DLGAP1: variants seen among roughly 807,000 people sequenced by gnomAD.
DLGAP1 encodes DLG associated protein 1.
In DLGAP1, 11 loss-of-function variants were observed where a neutral mutation model predicts 90.8. That is an observed-to-expected ratio of 0.12 (90% CI 0.08 to 0.20). DLGAP1 has a LOEUF of 0.20. Ranked by LOEUF, DLGAP1 falls within the 10% of genes least tolerant of loss-of-function variation. The probability of loss-of-function intolerance (pLI) is 1.00; values close to 1 mark genes in which losing one functional copy is unlikely to be tolerated. For missense variants in DLGAP1, 1,050 were observed against 1,333.8 expected (o/e 0.79, Z 3.31); for synonymous variants, 558 against 540.7 (o/e 1.03, Z -0.44).
At position 4,253,445 on chromosome 18, in the gene DLGAP1, C is replaced by T. The variant is rs143417637; in HGVS notation, c.-266-102158G>A. ...ATATGTTTTGAGGCAGAGTCTCACT[C>T]TGTCACCCAGGCTGGAGTGCAGTGG... On this transcript the variant is annotated intron_variant, in intron 1 of 12. Coordinates refer to ENST00000315677, the MANE Select transcript of DLGAP1 (RefSeq NM_004746.4). Among the ~76,000 whole-genome samples the T allele has an allele frequency of 4.0e-3, 603 of 152,290 alleles. 6 individuals are homozygous for T. Among genetic ancestry groups the T allele is most frequent in the African/African-American group, 0.014 (578 of 41,560 alleles).
intron 1 of DLGAP1, among the ~76,000 whole-genome samples, chr18:4,443,565 T>C (rs2083589124): frequency 6.6e-6 from 1 of 152,240 alleles, no homozygotes; most frequent in Non-Finnish European, 1.5e-5. Context: ...GTCATTAAGT[T>C]AGAAGCCAGT....
At chr18:3,783,060 T>C (rs575447534) in intron 5 of DLGAP1, among the ~76,000 whole-genome samples, 1 of 152,326 alleles carries the variant, frequency 6.6e-6, no homozygotes, top group Non-Finnish European at 1.5e-5. Context: ...GATTCTCAAA[T>C]GGTTAGTCAT....
intron 7 of DLGAP1, among the ~76,000 whole-genome samples, chr18:3,635,161 C>G (rs867689504): frequency 1.5e-4 from 22 of 148,734 alleles, no homozygotes; most frequent in South Asian, 4.2e-4. Flanking sequence ...GAGGGAGTCT[C>G]GCTCTTTCAC....
At chr18:3,639,964 C>T (rs1193224111) in intron 7 of DLGAP1, among the ~76,000 whole-genome samples, 3 of 151,312 alleles carry the variant, frequency 2.0e-5, no homozygotes, top group Admixed American at 1.3e-4. Flanking sequence ...CCGTGTTAGC[C>T]AGGATGGTCT....
intron 3 of DLGAP1, among the ~76,000 whole-genome samples, chr18:3,903,140 C>T (rs1052841821): frequency 2.0e-5 from 3 of 152,092 alleles, no homozygotes; most frequent in African/African-American, 4.8e-5. Flanking sequence ...TATCTCTAAT[C>T]TTGTTACTGA....
At chr18:3,776,194 A>G (rs2148070987) in intron 5 of DLGAP1, among the ~76,000 whole-genome samples, 1 of 152,320 alleles carries the variant, frequency 6.6e-6, no homozygotes, top group South Asian at 2.1e-4. Context: ...CTGAATGGAA[A>G]ACAGCATTCA....
intron 4 of DLGAP1, among the ~76,000 whole-genome samples, chr18:3,825,424 T>C (rs1034072753): frequency 1.3e-5 from 2 of 152,242 alleles, no homozygotes; most frequent in African/African-American, 4.8e-5. Flanking sequence ...TATTTGCATA[T>C]AACCTATGCA....
At chr18:4,420,220 G>A (rs2082997721) in intron 1 of DLGAP1, among the ~76,000 whole-genome samples, 1 of 152,106 alleles carries the variant, frequency 6.6e-6, no homozygotes, top group Non-Finnish European at 1.5e-5. Flanking sequence ...AAACAAATCT[G>A]CATTTATAGT....
At chr18:4,130,526 A>T (rs763618682) in intron 2 of DLGAP1, among the ~76,000 whole-genome samples, 4 of 152,180 alleles carry the variant, frequency 2.6e-5, no homozygotes, top group Non-Finnish European at 4.4e-5. Context: ...ATCACTTGTC[A>T]TTTATGTGCC....
intron 2 of DLGAP1, among the ~76,000 whole-genome samples, chr18:4,106,383 A>G (rs1292500608): frequency 6.6e-6 from 1 of 152,194 alleles, no homozygotes; most frequent in African/African-American, 2.4e-5. Flanking sequence ...ATCAGCTGTC[A>G]TGCCCCCAGC....
chr18:4,121,350 T>C (rs2076150460), intron 2 of DLGAP1, among the ~76,000 whole-genome samples: 1 of 152,134 alleles, frequency 6.6e-6, no homozygotes, highest in Admixed American at 6.5e-5. Context: ...CATCTTTGGT[T>C]GGCCAGACTT....
At chr18:3,619,984 C>A (rs1482666278) in intron 7 of DLGAP1, among the ~76,000 whole-genome samples, 1 of 151,330 alleles carries the variant, frequency 6.6e-6, no homozygotes, top group East Asian at 1.9e-4. Context: ...GCCTGGCCAC[C>A]TGCTGGAGTT....
intron 3 of DLGAP1, among the ~76,000 whole-genome samples, chr18:3,920,352 CAAAAAAAAAAAA>C (rs34353326): frequency 2.6e-5 from 2 of 75,534 alleles, no homozygotes; most frequent in African/African-American, 1.1e-4. Context: ...AGACTCTGTC[CAAAAAAAAAAAA>C]AAAAAAAAAG....
chr18:3,720,120 C>T (rs574102388), intron 7 of DLGAP1, among the ~76,000 whole-genome samples: 1 of 152,200 alleles, frequency 6.6e-6, no homozygotes, highest in South Asian at 2.1e-4. Context: ...CCTTTTGAAA[C>T]CACAGAATAT....
intron 1 of DLGAP1, among the ~76,000 whole-genome samples, chr18:4,205,758 T>C (rs1377882168): frequency 6.6e-6 from 1 of 152,238 alleles, no homozygotes; most frequent in Non-Finnish European, 1.5e-5. Context: ...GCTATCATAA[T>C]GGATAACACA....
At chr18:3,611,983 C>A (rs2145910982) in intron 7 of DLGAP1, among the ~76,000 whole-genome samples, 2 of 152,366 alleles carry the variant, frequency 1.3e-5, no homozygotes, top group Admixed American at 6.5e-5. Context: ...AGAGGGCTAG[C>A]CCTAAGTGTA....
At chr18:3,745,880 G>A (rs2063248487) in intron 5 of DLGAP1, among the ~76,000 whole-genome samples, 1 of 151,914 alleles carries the variant, frequency 6.6e-6, no homozygotes, top group Non-Finnish European at 1.5e-5. Flanking sequence ...GTAGAGAAGG[G>A]GTTACACCAT....
chr18:4,358,760 A>C lies in DLGAP1; in HGVS notation c.-267+96246T>G, dbSNP rs944967698. Among the ~76,000 whole-genome samples the C allele has an allele frequency of 3.3e-5, 5 of 152,276 alleles. No individual in the cohort carries two copies. In the South Asian group the frequency reaches 8.3e-4, roughly 25 times the overall value. ...CCTGTCTGCTTTGGGCCTAGGGCTG[A>C]GCTTTGTGGCCACAGCTTACCTCTG... On this transcript the variant is annotated intron_variant, in intron 1 of 12. Coordinates refer to ENST00000315677, the MANE Select transcript of DLGAP1 (RefSeq NM_004746.4).
intron 7 of DLGAP1, among the ~76,000 whole-genome samples, chr18:3,616,624 G>A (rs1214120864): frequency 6.6e-6 from 1 of 151,766 alleles, no homozygotes; most frequent in Non-Finnish European, 1.5e-5. Flanking sequence ...CTGTGGTGGC[G>A]TGCACCTGTA....
Sources: allele counts gnomAD v4.1 joint callset (sites outside exome capture counted in the v4.1 genomes callset), GRCh38; gene constraint gnomAD v4.1.1; transcripts MANE v1.5; gene names NCBI Gene and HGNC (gene_info 2026-07-23, HGNC 2026-07-21).